The following HIBCH variants were observed in gnomAD, a reference collection of about 807,000 sequenced individuals.
HIBCH encodes 3-hydroxyisobutyryl-CoA hydrolase, also known as 3-hydroxyisobutyryl-CoA hydrolase, mitochondrial.
In HIBCH, 50 loss-of-function variants were observed where a neutral mutation model predicts 58.2. The ratio of observed to expected loss-of-function variants is 0.86; its 90% CI spans 0.68 to 1.09. The LOEUF is 1.09. Among genes scored for constraint, HIBCH ranks in the 50% least tolerant of loss-of-function variants. HIBCH has a pLI of 0.00. For synonymous variants in HIBCH, 151 were observed against 146.9 expected, an observed-to-expected ratio of 1.03 and a Z score of -0.20; for missense variants, 450 against 449.7, an observed-to-expected ratio of 1.00 and a Z score of -0.01.
intron 9 of HIBCH, among the ~76,000 whole-genome samples, chr2:190,249,291 TATTAAATATA>T (rs1488654051): frequency 6.6e-6 from 1 of 152,218 alleles, no homozygotes; most frequent in African/African-American, 2.4e-5. Flanking sequence ...CAATAAACTT[TATTAAATATA>T]AATAAATGTC....
rs1409120582 is a variant in HIBCH at position 190,236,760 on chromosome 2, A to G, written c.891+8127T>C. 6.6e-6 allele frequency among the ~76,000 whole-genome samples: 1 copy of G among 152,214 alleles called. No homozygotes were observed. The highest frequency in any genetic ancestry group is 1.5e-5 in the Non-Finnish European group (1 of 68,024). ...AACCTGATCTTAAGACTTTTCTGGT[A>G]ATTTCTTAAAGGCATTAACAATTTA... On this transcript the variant is annotated intron_variant, in intron 11 of 13. Transcript: ENST00000359678. The surrounding 1 kb of genome is among the most constrained non-coding windows in gnomAD (Gnocchi z 4.1).
intron 1 of HIBCH, among the ~76,000 whole-genome samples, chr2:190,312,110 A>G (rs1688573731): frequency 6.6e-6 from 1 of 152,202 alleles, no homozygotes; most frequent in African/African-American, 2.4e-5. Flanking sequence ...AGTAAAAGAC[A>G]ACACCGGGAA....
chr2:190,318,073 G>A (rs1463945808), intron 1 of HIBCH, among the ~76,000 whole-genome samples: 1 of 151,834 alleles, frequency 6.6e-6, no homozygotes, highest in African/African-American at 2.4e-5. Flanking sequence ...TGATATGCCC[G>A]CCTCGGCCTC....
At chr2:190,296,491 C>G (rs1688107052) in intron 3 of HIBCH, among the ~76,000 whole-genome samples, 1 of 150,666 alleles carries the variant, frequency 6.6e-6, no homozygotes, top group African/African-American at 2.4e-5. Flanking sequence ...GATTTGTACA[C>G]TCATCCTCTC....
chr2:190,241,720 G>A (rs1686460014), intron 11 of HIBCH, among the ~76,000 whole-genome samples: 1 of 152,130 alleles, frequency 6.6e-6, no homozygotes, highest in African/African-American at 2.4e-5. Context: ...CTTCACTTAT[G>A]AAGCTTAGTT....
At chr2:190,296,590 T>G (rs1688108723) in intron 3 of HIBCH, among the ~76,000 whole-genome samples, 1 of 152,094 alleles carries the variant, frequency 6.6e-6, no homozygotes, top group African/African-American at 2.4e-5. Flanking sequence ...ATCAGTGCTA[T>G]ATAAAAGTCA....
intron 11 of HIBCH, among the ~76,000 whole-genome samples, chr2:190,227,167 G>T (rs980257952): frequency 1.3e-5 from 2 of 152,128 alleles, no homozygotes; most frequent in Non-Finnish European, 2.9e-5. Context: ...CACACTACCT[G>T]ACTTCAAACT....
chr2:190,228,647 A>G (rs997446878), intron 11 of HIBCH, among the ~76,000 whole-genome samples: 7 of 152,116 alleles, frequency 4.6e-5, no homozygotes, highest in East Asian at 1.9e-4. Context: ...GTATTGATAT[A>G]ATTTTGTACC....
chr2:190,212,834 G>T, intron 12 of HIBCH, 122 bp downstream of exon 12: 1 of 836,078 alleles, frequency 1.2e-6, no homozygotes, highest in Non-Finnish European at 1.9e-6. Flanking sequence ...TTGTGTTTTT[G>T]TAGAGTAAAT....
chr2:190,217,800 G>A lies in HIBCH; in HGVS notation c.892-4725C>T, dbSNP rs1046891867. Among the ~76,000 whole-genome samples, 1 of 152,084 alleles carries A rather than the reference G, an allele frequency of 6.6e-6. No homozygotes were observed. The highest frequency in any genetic ancestry group is 6.5e-5 in the Admixed American group (1 of 15,282). ...AAACAGCCACATAAACAGCTGAACC[G>A]GGGTGAGCACATTACACTCGGGTCA... is the stretch of plus-strand genomic sequence containing the variant. On this transcript the variant is annotated intron_variant, in intron 11 of 13. Coordinates refer to ENST00000359678, the MANE Select transcript of HIBCH (RefSeq NM_014362.4). The surrounding 1 kb of genome is among the most constrained non-coding windows in gnomAD (Gnocchi z 4.6).
At chr2:190,258,210 T>C (rs912876231) in intron 7 of HIBCH, among the ~76,000 whole-genome samples, 4 of 152,168 alleles carry the variant, frequency 2.6e-5, no homozygotes, top group Non-Finnish European at 5.9e-5. Flanking sequence ...CACGTGAAGA[T>C]GCACTTGCTT....
intron 7 of HIBCH, among the ~76,000 whole-genome samples, 197 bp from the exon 8 acceptor site, chr2:190,252,504 T>G (rs1686804755): frequency 6.6e-6 from 1 of 152,214 alleles, no homozygotes; most frequent in Non-Finnish European, 1.5e-5. Context: ...TGGGTATTTT[T>G]CAAAACCTTC....
At chr2:190,221,577 C>G (rs1685721326) in intron 11 of HIBCH, among the ~76,000 whole-genome samples, 1 of 152,086 alleles carries the variant, frequency 6.6e-6, no homozygotes, top group Admixed American at 6.5e-5. Flanking sequence ...AGGGTGGGTC[C>G]CCCAGTAAGG....
At position 190,207,934 on chromosome 2, in the gene HIBCH, T is replaced by C. The variant is rs1027941518; in HGVS notation, c.1045+946A>G. ...CAAAGGATATCCAGAGTCTGCACTA[T>C]AGTAAAATAATTAATAAAAACAGGA... is the stretch of plus-strand genomic sequence containing the variant. On this transcript the variant is annotated intron_variant, in intron 13 of 13. Transcript: ENST00000359678. The surrounding 1 kb of genome is among the most constrained non-coding windows in gnomAD (Gnocchi z 4.5). 2.6e-5 allele frequency among the ~76,000 whole-genome samples: 4 copies of C among 152,006 alleles called. No individual in the cohort carries two copies. Among genetic ancestry groups the C allele is most frequent in the African/African-American group, 9.7e-5 (4 of 41,380 alleles).
intron 8 of HIBCH, among the ~76,000 whole-genome samples, chr2:190,251,175 T>C (rs1217552513): frequency 6.6e-6 from 1 of 152,214 alleles, no homozygotes; most frequent in Non-Finnish European, 1.5e-5. Flanking sequence ...GTTTACTATT[T>C]GTCAGTTACT....
chr2:190,196,585 T>G (rs1032516097), intron 1 of HIBCH, among the ~76,000 whole-genome samples: 5 of 152,172 alleles, frequency 3.3e-5, no homozygotes, highest in African/African-American at 1.2e-4. Flanking sequence ...GGCTAGTAAT[T>G]TTTTAATTGA....
At chr2:190,228,907 A>G (rs1474993301) in intron 11 of HIBCH, among the ~76,000 whole-genome samples, 2 of 152,224 alleles carry the variant, frequency 1.3e-5, no homozygotes, top group East Asian at 3.8e-4. Flanking sequence ...TGATTCTTGC[A>G]CTTAAAGAGC....
chr2:190,241,697 G>T (rs754163003), intron 11 of HIBCH, among the ~76,000 whole-genome samples: 3 of 152,142 alleles, frequency 2.0e-5, no homozygotes, highest in Non-Finnish European at 4.4e-5. Context: ...ATCTGGAAAG[G>T]ATTTCCTTTC....
chr2:190,257,063 G>C (rs949122942), intron 7 of HIBCH, among the ~76,000 whole-genome samples: 1 of 152,164 alleles, frequency 6.6e-6, no homozygotes, highest in African/African-American at 2.4e-5. Flanking sequence ...TTCCAAATTT[G>C]ACAGAAGTTA....
Sources: gnomAD v4.1 joint callset for allele counts (sites outside exome capture counted in the v4.1 genomes callset) on GRCh38, gnomAD v4.1.1 for gene constraint, Gnocchi (gnomAD v3.1) non-coding constraint, MANE v1.5 for transcripts, NCBI Gene and HGNC (gene_info 2026-07-23, HGNC 2026-07-21) for gene names.